The following DSE variants were observed in gnomAD, a reference collection of about 807,000 sequenced individuals.
DSE encodes dermatan sulfate epimerase.
A neutral mutation model predicts 84.4 loss-of-function variants in DSE; 36 were observed. The ratio of observed to expected loss-of-function variants is 0.43; its 90% CI spans 0.33 to 0.56. The LOEUF (loss-of-function observed/expected upper bound fraction) is 0.56. Among genes scored for constraint, DSE ranks in the 20% least tolerant of loss-of-function variants. The probability of loss-of-function intolerance (pLI) is 0.06; values close to 1 mark genes in which losing one functional copy is unlikely to be tolerated. For synonymous variants in DSE, 410 were observed against 430.1 expected (o/e 0.95, Z 0.58); for missense variants, 862 against 1,169.6 (o/e 0.74, Z 3.84).
At chr6:116,382,065 G>C (rs1175208527) in intron 1 of DSE, among the ~76,000 whole-genome samples, 2 of 151,766 alleles carry the variant, frequency 1.3e-5, no homozygotes, top group Non-Finnish European at 2.9e-5. Context: ...GTGTGTGTGT[G>C]TGTGTGTCTC....
Position 116,418,417 on chromosome 6 carries a change from C to A in DSE, c.417-8157C>A, listed in dbSNP as rs575466138. ...TGAAGATGCAAACCAGAACCACCAT[C>A]CCCTGGACCAACTCTACCTTAGAGT... On this transcript the variant is annotated intron_variant, in intron 2 of 5. Transcript: ENST00000644252. 3.9e-5 allele frequency among the ~76,000 whole-genome samples: 6 copies of A among 152,306 alleles called. No homozygotes were observed. The South Asian group carries it at 1.2e-3, about 32-fold the overall frequency.
rs1784326286 is a variant in DSE, at chr6:116,438,755, C to T, written c.*1410C>T. The T allele has an allele frequency of 6.6e-6, 1 of 152,178 alleles. No homozygotes were observed. Among genetic ancestry groups the T allele is most frequent in the Non-Finnish European group, 1.5e-5 (1 of 68,030 alleles). 9.4% of individuals were successfully genotyped at this position (152,178 alleles called of 1,614,324 possible). Reference sequence around the variant, plus strand: ...TGTAAAGTAACAACAGTAACCTTTCCTCTTACTTGCTCTTTTAGTTCACAG... The same window carrying T: ...TGTAAAGTAACAACAGTAACCTTTCTTCTTACTTGCTCTTTTAGTTCACAG... On this transcript the variant is annotated 3_prime_UTR_variant, in exon 6 of 6. Transcript: ENST00000644252.
At chr6:116,289,377 A>T (rs1774138417) in intron 2 of DSE, among the ~76,000 whole-genome samples, 1 of 152,056 alleles carries the variant, frequency 6.6e-6, no homozygotes, top group Non-Finnish European at 1.5e-5. Context: ...CCATTTAATA[A>T]ACATGACTGT....
chr6:116,354,675 A>G (rs1778484794), intron 2 of DSE, among the ~76,000 whole-genome samples: 1 of 152,180 alleles, frequency 6.6e-6, no homozygotes, highest in Admixed American at 6.5e-5. Flanking sequence ...CATGAAATCC[A>G]TGTTCATAAT....
intron 2 of DSE, among the ~76,000 whole-genome samples, chr6:116,322,564 A>T (rs1422613049): frequency 2.7e-5 from 4 of 145,702 alleles, no homozygotes; most frequent in Non-Finnish European, 6.0e-5. Context: ...CACCCCAATT[A>T]AATAAGATTT....
chr6:116,269,018 TA>T (rs5879368), intron 2 of DSE, among the ~76,000 whole-genome samples: 29,310 of 145,836 alleles, frequency 0.2, 3,062 homozygotes, highest in East Asian at 0.29. Flanking sequence ...GATAATACTT[TA>T]AAAAAAAAAA....
chr6:116,271,071 T>G (rs1772857974), intron 2 of DSE, among the ~76,000 whole-genome samples: 1 of 152,212 alleles, frequency 6.6e-6, no homozygotes, highest in African/African-American at 2.4e-5. Flanking sequence ...CCCCACAGGG[T>G]AGGGAACTTA....
Position 116,443,522 on chromosome 6 carries a change from G to A in DSE, c.*6177G>A, listed in dbSNP as rs1050388204. 1.3e-5 allele frequency: 2 copies of A among 152,108 alleles called. No homozygotes were observed. The highest frequency in any genetic ancestry group is 1.3e-4 in the Admixed American group (2 of 15,274). 9.4% of individuals were successfully genotyped at this position (152,108 alleles called of 1,614,324 possible). ...AAGTAGACCAGGCTCCAGGGCAGGA[G>A]GGTCTCTTTTCCTCACTCCATTTAA... On this transcript the variant is annotated 3_prime_UTR_variant, in exon 6 of 6. Transcript: ENST00000644252.
At chr6:116,278,524 G>C (rs760666890) in intron 2 of DSE, 38 of 1,613,936 alleles carry the variant, frequency 2.4e-5, no homozygotes, top group Non-Finnish European at 4.2e-6. Flanking sequence ...ATGTTAACCA[G>C]ACTGGAACCC....
At chr6:116,322,165 G>T (rs1317693495) in intron 2 of DSE, among the ~76,000 whole-genome samples, 1 of 152,018 alleles carries the variant, frequency 6.6e-6, no homozygotes, top group Non-Finnish European at 1.5e-5. Flanking sequence ...AATTAGATCA[G>T]AACAAAACAG....
Position 116,320,350 on chromosome 6 carries a change from A to AT in DSE, c.-54+61387dup, listed in dbSNP as rs199830404. On this transcript the variant is annotated intron_variant, in intron 2 of 3. Transcript: ENST00000430252. ...TGTTTTCTCCTTTGGTAAAAATGAG[A>AT]TTTTCTGGCAAGAATATGTCAATTT... is the stretch of plus-strand genomic sequence containing the variant. Among the ~76,000 whole-genome samples the AT allele has an allele frequency of 5.9e-3, 890 of 150,458 alleles. 11 individuals are homozygous for AT. Among genetic ancestry groups the AT allele is most frequent in the African/African-American group, 0.02 (823 of 41,232 alleles).
chr6:116,422,813 G>A (rs775126010), intron 2 of DSE, among the ~76,000 whole-genome samples: 1 of 152,122 alleles, frequency 6.6e-6, no homozygotes, highest in African/African-American at 2.4e-5. Context: ...TGTACCATCA[G>A]TGCAAATATC....
intron 2 of DSE, chr6:116,279,910 C>T (rs1773408433): frequency 6.3e-7 from 1 of 1,582,548 alleles, no homozygotes; most frequent in Non-Finnish European, 8.7e-7. Context: ...CCGCTCGCAC[C>T]GCCCACCCTA....
chr6:116,400,943 TAGAA>T (rs1781551641), intron 2 of DSE: 1 of 152,190 alleles, frequency 6.6e-6, no homozygotes, highest in African/African-American at 2.4e-5. Context: ...TTACATTATT[TAGAA>T]AGAAACCTTT....
chr6:116,432,834 G>C (rs1783930336), intron 4 of DSE: 1 of 154,890 alleles, frequency 6.5e-6, no homozygotes, highest in African/African-American at 2.4e-5. Context: ...GCTACTCCGG[G>C]AATTAAATTT....
chr6:116,404,036 G>A (rs1781765173), intron 2 of DSE, among the ~76,000 whole-genome samples: 1 of 152,092 alleles, frequency 6.6e-6, no homozygotes, highest in Non-Finnish European at 1.5e-5. Flanking sequence ...TCCTAATCTA[G>A]CTTAATCCTT....
chr6:116,432,942 G>T, intron 4 of DSE: 1 of 190,772 alleles, frequency 5.2e-6, no homozygotes, highest in Non-Finnish European at 1.1e-5. Context: ...TATTATCTTG[G>T]CCTAGAATGC....
intron 2 of DSE, among the ~76,000 whole-genome samples, chr6:116,310,649 C>A (rs1775640756): frequency 6.6e-6 from 1 of 151,334 alleles, no homozygotes; most frequent in Admixed American, 6.6e-5. Context: ...GCTCTGTCTT[C>A]AAAGTATATC....
At chr6:116,360,535 T>C (rs1404497983) in intron 2 of DSE, among the ~76,000 whole-genome samples, 5 of 152,192 alleles carry the variant, frequency 3.3e-5, no homozygotes, top group African/African-American at 1.2e-4. Flanking sequence ...ATTATCCCTC[T>C]TTAAATAGAG....
Sources: allele counts gnomAD v4.1 joint callset (sites outside exome capture counted in the v4.1 genomes callset), GRCh38; gene constraint gnomAD v4.1.1; transcripts MANE v1.5; gene names NCBI Gene and HGNC (gene_info 2026-07-23, HGNC 2026-07-21).